The following CWC27 variants were observed in gnomAD, a reference collection of about 807,000 sequenced individuals.
CWC27 encodes the protein spliceosome-associated protein CWC27 homolog.
Under a neutral mutation model 63.6 loss-of-function variants are expected in CWC27, and 47 were observed. That is an observed-to-expected ratio of 0.74 (90% CI 0.58 to 0.94). The LOEUF (loss-of-function observed/expected upper bound fraction) is 0.94, where lower values mean the gene tolerates loss of function less well. Among genes scored for constraint, CWC27 ranks in the 40% least tolerant of loss-of-function variants. CWC27 has a pLI of 0.00. For missense variants in CWC27, 495 were observed against 554.3 expected (o/e 0.89, Z 1.07); for synonymous variants, 175 against 179.8 (o/e 0.97, Z 0.22).
intron 11 of CWC27, among the ~76,000 whole-genome samples, chr5:64,933,528 T>C (rs2112404928): frequency 6.6e-6 from 1 of 150,704 alleles, no homozygotes; most frequent in South Asian, 2.1e-4. Flanking sequence ...GGAGTCTCGC[T>C]GTCACCCAGG....
At chr5:64,792,066 AATGTT>A (rs1744100703) in intron 7 of CWC27, among the ~76,000 whole-genome samples, 1 of 151,988 alleles carries the variant, frequency 6.6e-6, no homozygotes, top group Admixed American at 6.6e-5. Context: ...TGAAGCTTAA[AATGTT>A]ATTTTTACTG....
At chr5:64,953,078 T>C (rs912460796) in intron 11 of CWC27, among the ~76,000 whole-genome samples, 3 of 152,140 alleles carry the variant, frequency 2.0e-5, no homozygotes, top group Non-Finnish European at 4.4e-5. Context: ...TGGTTATGGT[T>C]GAATAGAAGA....
intron 10 of CWC27, among the ~76,000 whole-genome samples, chr5:64,864,748 C>T (rs935601334): frequency 9.9e-5 from 15 of 152,140 alleles, no homozygotes; most frequent in Admixed American, 8.5e-4. Context: ...CTAAGAAATA[C>T]ATTTTTAGAA....
At chr5:64,890,595 G>A (rs7707614) in intron 11 of CWC27, among the ~76,000 whole-genome samples, 56,429 of 151,080 alleles carry the variant, frequency 0.37, 11,179 homozygotes, top group East Asian at 0.52. Context: ...ATTTTTCTTC[G>A]TAGTCTACTC....
intron 10 of CWC27, among the ~76,000 whole-genome samples, chr5:64,822,731 A>T: frequency 6.6e-6 from 1 of 152,182 alleles, no homozygotes; most frequent in Non-Finnish European, 1.5e-5. Context: ...TAATTTTTTT[A>T]AAACTAGAGT....
chr5:64,793,589 A>G (rs1322728227), intron 7 of CWC27, among the ~76,000 whole-genome samples: 1 of 152,166 alleles, frequency 6.6e-6, no homozygotes, highest in Non-Finnish European at 1.5e-5. Context: ...CTAATAGAAT[A>G]TATTTCTTCA....
intron 13 of CWC27, among the ~76,000 whole-genome samples, chr5:65,003,732 T>G (rs1392026163): frequency 3.9e-5 from 6 of 152,190 alleles, no homozygotes; most frequent in Non-Finnish European, 8.8e-5. Flanking sequence ...TCCCAGTCTT[T>G]CCCTGCCTGT....
chr5:64,836,780 C>T (rs1178962896), intron 10 of CWC27, among the ~76,000 whole-genome samples: 2 of 152,030 alleles, frequency 1.3e-5, no homozygotes, highest in East Asian at 3.9e-4. Context: ...AAATCTGTTA[C>T]TCTGTGATGT....
intron 13 of CWC27, among the ~76,000 whole-genome samples, chr5:64,986,738 T>TGA (rs1749441134): frequency 6.6e-6 from 1 of 151,318 alleles, no homozygotes; most frequent in African/African-American, 2.5e-5. Flanking sequence ...TAATCCACAC[T>TGA]CAGCTTCCTG....
intron 10 of CWC27, among the ~76,000 whole-genome samples, chr5:64,839,813 GA>G (rs932774009): frequency 1.3e-5 from 2 of 151,972 alleles, no homozygotes; most frequent in South Asian, 2.1e-4. Flanking sequence ...TAAAGCTCTT[GA>G]AAAAAACACA....
At chr5:64,796,665 A>G (rs1309303356) in intron 7 of CWC27, among the ~76,000 whole-genome samples, 1 of 152,102 alleles carries the variant, frequency 6.6e-6, no homozygotes, top group Non-Finnish European at 1.5e-5. Flanking sequence ...GTTGACTCAT[A>G]AAATTATCCA....
intron 10 of CWC27, among the ~76,000 whole-genome samples, chr5:64,885,146 A>G (rs1747035821): frequency 6.6e-6 from 1 of 152,118 alleles, no homozygotes; most frequent in Non-Finnish European, 1.5e-5. Flanking sequence ...AAATTATTAA[A>G]CTGAAACTAG....
At chr5:64,903,941 T>C (rs1483405472) in intron 11 of CWC27, among the ~76,000 whole-genome samples, 1 of 152,246 alleles carries the variant, frequency 6.6e-6, no homozygotes, top group South Asian at 2.1e-4. Flanking sequence ...TTCCATTGTA[T>C]GCATATAACA....
At chr5:64,817,408 A>C (rs894888256) in intron 10 of CWC27, among the ~76,000 whole-genome samples, 2 of 152,060 alleles carry the variant, frequency 1.3e-5, no homozygotes, top group Non-Finnish European at 2.9e-5. Context: ...GTTAGGATCT[A>C]CTCCTCTAAA....
At chr5:64,940,027 A>G (rs1464404716) in intron 11 of CWC27, among the ~76,000 whole-genome samples, 4 of 152,208 alleles carry the variant, frequency 2.6e-5, no homozygotes, top group Non-Finnish European at 5.9e-5. Context: ...GAGAATTTCA[A>G]GCCGGTAAAT....
chr5:64,945,374 T>C (rs542752983), intron 11 of CWC27, among the ~76,000 whole-genome samples: 47 of 152,270 alleles, frequency 3.1e-4, no homozygotes, highest in African/African-American at 1.1e-3. Context: ...CAAAATAAAA[T>C]TGGAGGCTGA....
intron 10 of CWC27, among the ~76,000 whole-genome samples, chr5:64,824,644 T>G (rs1228587911): frequency 6.7e-6 from 1 of 149,530 alleles, no homozygotes; most frequent in African/African-American, 2.5e-5. Flanking sequence ...CTTCTTCTAA[T>G]CCTTCAGTCT....
At chr5:64,809,447 A>T (rs1380417916) in intron 10 of CWC27, among the ~76,000 whole-genome samples, 1 of 152,142 alleles carries the variant, frequency 6.6e-6, no homozygotes, top group East Asian at 1.9e-4. Context: ...AGCTCACTGC[A>T]ACCTCTGCCT....
At chr5:64,903,418 A>T (rs556361189) in intron 11 of CWC27, among the ~76,000 whole-genome samples, 2 of 152,094 alleles carry the variant, frequency 1.3e-5, no homozygotes. Flanking sequence ...CAGCAAACTA[A>T]CACAGGAACA....
Sources: allele counts gnomAD v4.1 joint callset (sites outside exome capture counted in the v4.1 genomes callset), GRCh38; gene constraint gnomAD v4.1.1; transcripts MANE v1.5; gene names NCBI Gene and HGNC (gene_info 2026-07-23, HGNC 2026-07-21).